NAALADL2: variants seen among roughly 807,000 people sequenced by gnomAD.
NAALADL2 encodes N-acetylated alpha-linked acidic dipeptidase like 2.
NAALADL2 carries 76 observed loss-of-function variants against 87.2 expected under a neutral mutation model. That is an observed-to-expected ratio of 0.87 (90% confidence interval 0.72 to 1.05). The LOEUF (loss-of-function observed/expected upper bound fraction) is 1.05. Among genes scored for constraint, NAALADL2 ranks in the 50% least tolerant of loss-of-function variants. The probability of loss-of-function intolerance (pLI) is 0.00; values close to 1 mark genes in which losing one functional copy is unlikely to be tolerated. For missense variants in NAALADL2, 1,089 were observed against 945.8 expected (o/e 1.15, Z -1.99); for synonymous variants, 354 against 331.0 (o/e 1.07, Z -0.75).
intron 5 of NAALADL2, among the ~76,000 whole-genome samples, chr3:175,356,737 G>A (rs1384603065): frequency 6.6e-6 from 1 of 151,950 alleles, no homozygotes; most frequent in East Asian, 1.9e-4. Flanking sequence ...CAAGACGAAA[G>A]GAAGACAAGA....
At chr3:174,948,858 G>T (rs946770114) in intron 1 of NAALADL2, among the ~76,000 whole-genome samples, 1 of 152,108 alleles carries the variant, frequency 6.6e-6, no homozygotes, top group Admixed American at 6.5e-5. Flanking sequence ...GCTGCTATAA[G>T]AAAATATGAT....
intron 1 of NAALADL2, among the ~76,000 whole-genome samples, chr3:174,964,085 A>G (rs541750863): frequency 1.3e-5 from 2 of 152,138 alleles, no homozygotes; most frequent in African/African-American, 4.8e-5. Flanking sequence ...AAAAATATTT[A>G]TATTTTTCAA....
chr3:175,673,528 T>C (rs1429484350), intron 11 of NAALADL2, among the ~76,000 whole-genome samples: 1 of 148,584 alleles, frequency 6.7e-6, no homozygotes, highest in African/African-American at 2.6e-5. Context: ...TATTAAAAAC[T>C]TTTTTTTTGT....
chr3:174,461,154 A>G lies in NAALADL2; in HGVS notation c.-184+20122A>G, dbSNP rs187986875. On this transcript the variant is annotated intron_variant, in intron 1 of 3. Transcript: ENST00000434257. ...CTAAATAGAATGTAGGGAATGAAAT[A>G]GTACTCATTCAGTGTACAGTTTAAT... is the stretch of plus-strand genomic sequence containing the variant. Among the ~76,000 whole-genome samples the G allele has an allele frequency of 2.0e-5, 3 of 152,244 alleles. No homozygotes were observed. In the East Asian group the frequency reaches 5.8e-4, roughly 29 times the overall value.
At chr3:175,399,729 TCA>T (rs1024044553) in intron 5 of NAALADL2, among the ~76,000 whole-genome samples, 1 of 151,998 alleles carries the variant, frequency 6.6e-6, no homozygotes, top group African/African-American at 2.4e-5. Flanking sequence ...ACCTCCTCTC[TCA>T]CCCTGTGACT....
intron 10 of NAALADL2, among the ~76,000 whole-genome samples, chr3:175,587,628 G>T (rs1394026003): frequency 1.3e-5 from 2 of 152,014 alleles, no homozygotes; most frequent in African/African-American, 4.8e-5. Context: ...ATTGGGAAGG[G>T]TGGGTTAAAA....
chr3:175,030,218 T>A (rs1752659720), intron 1 of NAALADL2, among the ~76,000 whole-genome samples: 1 of 152,124 alleles, frequency 6.6e-6, no homozygotes, highest in Admixed American at 6.6e-5. Flanking sequence ...TTTGCTGCTA[T>A]TTATGCTTTC....
chr3:174,824,780 T>C (rs891067211), intron 3 of NAALADL2, among the ~76,000 whole-genome samples: 3 of 152,122 alleles, frequency 2.0e-5, no homozygotes, highest in African/African-American at 4.8e-5. Context: ...CGGTCACTTA[T>C]GGGACAAAAT....
intron 2 of NAALADL2, among the ~76,000 whole-genome samples, chr3:174,688,655 G>A (rs1728272049): frequency 6.6e-6 from 1 of 151,956 alleles, no homozygotes; most frequent in Admixed American, 6.6e-5. Flanking sequence ...CCTTTCTGTG[G>A]GAGGACTATA....
chr3:175,371,046 G>T (rs2112045), intron 5 of NAALADL2, among the ~76,000 whole-genome samples: 41,464 of 151,934 alleles, frequency 0.27, 6,298 homozygotes, highest in East Asian at 0.5. Flanking sequence ...TAGGATGAAG[G>T]GTAGTTTGAA....
At chr3:175,705,358 T>A (rs1173015458) in intron 11 of NAALADL2, among the ~76,000 whole-genome samples, 3 of 152,286 alleles carry the variant, frequency 2.0e-5, no homozygotes, top group Admixed American at 6.6e-5. Flanking sequence ...GGATTTTTTT[T>A]AATCAAAGTA....
At chr3:175,793,844 G>A (rs981710824) in intron 13 of NAALADL2, among the ~76,000 whole-genome samples, 22 of 152,086 alleles carry the variant, frequency 1.4e-4, no homozygotes, top group African/African-American at 4.8e-4. Flanking sequence ...CATATTAGAT[G>A]TTTAATAAAG....
rs117293244 is a variant in NAALADL2, at chr3:174,527,744, C to T, written c.-183-22825C>T. The stretch of plus-strand genomic sequence containing the variant: ...AATATAAAACAATATATTAATAAAA[C>T]ATCCATCACATTTGCTTGAAATTAT... On this transcript the variant is annotated intron_variant, in intron 1 of 3. Coordinates refer to the NAALADL2 transcript ENST00000434257. 1.1e-4 allele frequency among the ~76,000 whole-genome samples: 17 copies of T among 152,252 alleles called. No homozygotes were observed. In the East Asian group the frequency reaches 3.3e-3, roughly 29 times the overall value.
At chr3:175,752,329 G>A (rs963646558) in intron 12 of NAALADL2, among the ~76,000 whole-genome samples, 1 of 152,092 alleles carries the variant, frequency 6.6e-6, no homozygotes, top group Non-Finnish European at 1.5e-5. Context: ...ACTTTTAGGT[G>A]CTAGGGAAAT....
At chr3:174,598,929 C>A (rs1718181973) in intron 2 of NAALADL2, among the ~76,000 whole-genome samples, 1 of 152,094 alleles carries the variant, frequency 6.6e-6, no homozygotes. Context: ...CAGCCATAAG[C>A]ATGTTGTCTC....
intron 1 of NAALADL2, among the ~76,000 whole-genome samples, chr3:175,086,417 A>C (rs985244072): frequency 6.7e-6 from 1 of 149,618 alleles, no homozygotes; most frequent in Non-Finnish European, 1.5e-5. Context: ...TTACAGAAAC[A>C]AAAAAAAAGA....
At chr3:174,947,693 T>A (rs993841169) in intron 1 of NAALADL2, among the ~76,000 whole-genome samples, 5 of 151,278 alleles carry the variant, frequency 3.3e-5, no homozygotes, top group African/African-American at 7.3e-5. Flanking sequence ...ATACAGGTTT[T>A]AAAAAAAAAT....
chr3:174,532,440 G>C (rs959355871), intron 1 of NAALADL2, among the ~76,000 whole-genome samples: 1 of 152,108 alleles, frequency 6.6e-6, no homozygotes, highest in Non-Finnish European at 1.5e-5. Context: ...AAGGGGGAGG[G>C]TATGGAAATT....
At chr3:175,502,737 GA>G (rs573119551) in intron 9 of NAALADL2, among the ~76,000 whole-genome samples, 52 of 152,020 alleles carry the variant, frequency 3.4e-4, no homozygotes, top group Non-Finnish European at 4.7e-4. Flanking sequence ...CTTCTCTGGA[GA>G]ACCTAAACAT....
Sources: gnomAD v4.1 joint callset for allele counts (sites outside exome capture counted in the v4.1 genomes callset) on GRCh38, gnomAD v4.1.1 for gene constraint, MANE v1.5 for transcripts, NCBI Gene and HGNC (gene_info 2026-07-23, HGNC 2026-07-21) for gene names.